The following GRIK1 variants were observed in gnomAD, a reference collection of about 807,000 sequenced individuals.
The protein encoded by GRIK1 is glutamate receptor ionotropic, kainate 1.
Under a neutral mutation model 105.7 loss-of-function variants are expected in GRIK1, and 69 were observed. The observed-to-expected ratio is 0.65, with a 90% confidence interval of 0.54 to 0.80. The LOEUF (loss-of-function observed/expected upper bound fraction) is 0.80, where lower values mean the gene tolerates loss of function less well. Ranked by LOEUF, GRIK1 falls within the 30% of genes least tolerant of loss-of-function variation. The pLI is 0.00. For synonymous variants in GRIK1, 438 were observed against 431.3 expected, an observed-to-expected ratio of 1.02 and a Z score of -0.19; for missense variants, 1,109 against 1,167.3, an observed-to-expected ratio of 0.95 and a Z score of 0.73.
chr21:29,597,716 T>C, intron 8 of GRIK1: 1 of 433,126 alleles, frequency 2.3e-6, no homozygotes, highest in East Asian at 7.2e-5. Flanking sequence ...GCATGTATAA[T>C]GTGTACTCTC....
chr21:29,889,489 C>T (rs455370), intron 1 of GRIK1, among the ~76,000 whole-genome samples: 21,744 of 151,578 alleles, frequency 0.14, 1,797 homozygotes, highest in East Asian at 0.34. Context: ...CAATTTTTTC[C>T]TTCTCCTTCT....
At position 29,694,012 on chromosome 21, in the gene GRIK1, G is replaced by A; in HGVS notation, c.170C>T (p.Ala57Val). ...AATGCTGGTGACTGCAAACTTGAAAGCTAATTCTTCAACATTAACAGGCTC... is the reference window on the plus strand; with the variant it reads ...AATGCTGGTGACTGCAAACTTGAAAACTAATTCTTCAACATTAACAGGCTC... Reference protein sequence around the residue: ...ENEPVNVEELAFKFAVTSINR... With the variant: ...ENEPVNVEELVFKFAVTSINR... Residue 57 changes from alanine to valine, a missense_variant, in exon 2 of 18, where the codon GCT becomes GTT. Physicochemically the swap from Ala to Val is moderately conservative, Grantham distance 64 (BLOSUM62 0). Around this residue, in one of 5 missense-constraint regions of GRIK1, gnomAD observed 612 missense variants for 586.0 expected, o/e 1.04. Transcript: ENST00000327783. The A allele has an allele frequency of 2.5e-6, 4 of 1,612,292 alleles. No homozygotes were observed. The highest frequency in any genetic ancestry group is 3.4e-6 in the Non-Finnish European group (4 of 1,178,572).
intron 14 of GRIK1, among the ~76,000 whole-genome samples, chr21:29,567,711 T>C (rs915081363): frequency 2.6e-5 from 4 of 152,218 alleles, no homozygotes; most frequent in African/African-American, 9.6e-5. Context: ...ACATTGGCTA[T>C]GTAGAACTTC....
Position 29,678,044 on chromosome 21 carries a change from T to G in GRIK1, c.545-4880A>C, listed in dbSNP as rs561609823. 2.6e-5 allele frequency among the ~76,000 whole-genome samples: 4 copies of G among 152,348 alleles called. No individual in the cohort carries two copies. In the East Asian group the frequency reaches 7.7e-4, roughly 29 times the overall value. On this transcript the variant is annotated intron_variant, in intron 3 of 17. Coordinates refer to ENST00000327783, the MANE Select transcript of GRIK1 (RefSeq NM_001330994.2). ...AGTCTTAATCCAATTTCCTGTTTGT[T>G]AAACCATCAGTGAGTTTGATGCCAT...
At chr21:29,595,880 T>C (rs1461260452) in intron 9 of GRIK1, among the ~76,000 whole-genome samples, 1 of 152,234 alleles carries the variant, frequency 6.6e-6, no homozygotes, top group Admixed American at 6.5e-5. Context: ...CACTGTATAA[T>C]AAACTATAAA....
intron 1 of GRIK1, among the ~76,000 whole-genome samples, chr21:29,862,047 C>T (rs946865002): frequency 6.6e-6 from 1 of 152,140 alleles, no homozygotes; most frequent in Non-Finnish European, 1.5e-5. Context: ...GGTGCAATGG[C>T]ATGATCATGG....
chr21:29,585,516 G>C (rs1237668175), intron 12 of GRIK1, among the ~76,000 whole-genome samples: 1 of 152,078 alleles, frequency 6.6e-6, no homozygotes, highest in Non-Finnish European at 1.5e-5. Flanking sequence ...ACCTCACCTT[G>C]CCTGTTCTAC....
intron 1 of GRIK1, among the ~76,000 whole-genome samples, chr21:29,719,132 A>G (rs905711788): frequency 4.0e-5 from 6 of 149,130 alleles, no homozygotes; most frequent in Admixed American, 2.7e-4. Flanking sequence ...CAGTTTTGCC[A>G]TTGAAAGTTA....
intron 16 of GRIK1, chr21:29,553,663 A>G: frequency 6.2e-7 from 1 of 1,609,034 alleles, no homozygotes; most frequent in East Asian, 2.2e-5. Flanking sequence ...AGTTGGTTGG[A>G]TGGGTTTGCT....
intron 1 of GRIK1, among the ~76,000 whole-genome samples, chr21:29,845,108 A>T: frequency 6.6e-6 from 1 of 152,242 alleles, no homozygotes; most frequent in East Asian, 1.9e-4. Context: ...GTTTATGATG[A>T]TTGCAATGTT....
intron 1 of GRIK1, among the ~76,000 whole-genome samples, chr21:29,934,217 A>G (rs759556587): frequency 2.8e-4 from 43 of 152,210 alleles, no homozygotes; most frequent in Admixed American, 3.3e-4. Context: ...GAAATTCTGG[A>G]GAGTCCACTG....
At chr21:29,855,177 C>T (rs553510483) in intron 1 of GRIK1, among the ~76,000 whole-genome samples, 1 of 152,236 alleles carries the variant, frequency 6.6e-6, no homozygotes, top group South Asian at 2.1e-4. Context: ...CACTCATTGT[C>T]CTTAGGGCTA....
At chr21:29,740,835 G>T (rs77704164) in intron 1 of GRIK1, among the ~76,000 whole-genome samples, 1 of 152,208 alleles carries the variant, frequency 6.6e-6, no homozygotes, top group Non-Finnish European at 1.5e-5. Flanking sequence ...CACTGCAGAC[G>T]ACTCAGGGGG....
intron 1 of GRIK1, among the ~76,000 whole-genome samples, chr21:29,715,208 A>C (rs146376280): frequency 2.0e-5 from 3 of 152,310 alleles, no homozygotes; most frequent in South Asian, 2.1e-4. Flanking sequence ...AATTTGAGCT[A>C]CAATTGCCCT....
intron 1 of GRIK1, among the ~76,000 whole-genome samples, chr21:29,710,781 CTCCCTCCCTCCTTCCTTCCT>C: frequency 2.3e-5 from 1 of 42,972 alleles, no homozygotes. Context: ...CCCTCCCTCC[CTCCCTCCCTCCTTCCTTCCT>C]TCCTTCCTTC....
chr21:29,758,690 G>T (rs920222694), intron 1 of GRIK1: 1 of 152,608 alleles, frequency 6.6e-6, no homozygotes, highest in Non-Finnish European at 1.5e-5. Flanking sequence ...TTTACTTCCA[G>T]TCAAAGAAGC....
At chr21:29,850,690 C>T (rs186879432) in intron 1 of GRIK1, among the ~76,000 whole-genome samples, 1 of 152,294 alleles carries the variant, frequency 6.6e-6, no homozygotes, top group East Asian at 1.9e-4. Context: ...AGCAATGTAC[C>T]AGGCACATAA....
intron 14 of GRIK1, among the ~76,000 whole-genome samples, chr21:29,563,335 A>G (rs904747260): frequency 2.0e-5 from 3 of 152,196 alleles, no homozygotes; most frequent in Non-Finnish European, 2.9e-5. Flanking sequence ...TGTAGGGTTT[A>G]TGAGTTAGGG....
At chr21:29,677,187 G>T (rs988028000) in intron 3 of GRIK1, among the ~76,000 whole-genome samples, 2 of 152,146 alleles carry the variant, frequency 1.3e-5, no homozygotes, top group African/African-American at 2.4e-5. Context: ...GAGGCCAAAT[G>T]ATAATAAATG....
Sources: gnomAD v4.1 joint callset for allele counts (sites outside exome capture counted in the v4.1 genomes callset) on GRCh38, gnomAD v4.1.1 for gene constraint, gnomAD v4.1.1 regional missense constraint, MANE v1.5 for transcripts, NCBI Gene and HGNC (gene_info 2026-07-23, HGNC 2026-07-21) for gene names.